PMEL: variants seen among roughly 807,000 people sequenced by gnomAD.
The protein encoded by PMEL is premelanosome protein.
In PMEL, 53 loss-of-function variants were observed where a neutral mutation model predicts 64.9. That is an observed-to-expected ratio of 0.82 (90% CI 0.66 to 1.03). PMEL has a LOEUF of 1.03. Ranked by LOEUF, PMEL falls within the 50% of genes least tolerant of loss-of-function variation. The probability of loss-of-function intolerance (pLI) is 0.00; values close to 1 mark genes in which losing one functional copy is unlikely to be tolerated. For synonymous variants in PMEL, 299 were observed against 316.2 expected, an observed-to-expected ratio of 0.95 and a Z score of 0.58; for missense variants, 716 against 814.9, an observed-to-expected ratio of 0.88 and a Z score of 1.48.
At chr12:55,959,223 C>T (rs978344687) in intron 3 of PMEL, among the ~76,000 whole-genome samples, 4 of 150,940 alleles carry the variant, frequency 2.7e-5, no homozygotes, top group Non-Finnish European at 5.9e-5. Context: ...CTACAAAATA[C>T]ATTTAAAAAA....
At chr12:55,960,420 G>A (rs1159948099) in intron 3 of PMEL, among the ~76,000 whole-genome samples, 1 of 151,676 alleles carries the variant, frequency 6.6e-6, no homozygotes, top group Non-Finnish European at 1.5e-5. Context: ...CTGTCACCCA[G>A]GCTGAAGTAC....
At chr12:55,960,092 T>A (rs1889041342) in intron 3 of PMEL, among the ~76,000 whole-genome samples, 1 of 150,766 alleles carries the variant, frequency 6.6e-6, no homozygotes, top group Non-Finnish European at 1.5e-5. Flanking sequence ...GGGAGGCTAC[T>A]CCCAGCTACT....
intron 10 of PMEL, 51 bp downstream of exon 10, chr12:55,955,223 G>A (rs1592764207): frequency 7.8e-7 from 1 of 1,282,732 alleles, no homozygotes; most frequent in East Asian, 2.3e-5. Context: ...GGAAAAGTGA[G>A]TAGTGATAAT....
At chr12:55,960,197 C>G (rs1889044405) in intron 3 of PMEL, among the ~76,000 whole-genome samples, 2 of 139,120 alleles carry the variant, frequency 1.4e-5, no homozygotes, top group South Asian at 4.4e-4. Flanking sequence ...AGCGACACAG[C>G]CAGACTCTGT....
Position 55,965,964 on chromosome 12 carries a change from A to T in PMEL, c.48T>A (p.Gly16=), listed in dbSNP as rs1462985185. Residue 16 remains glycine (G), a synonymous_variant, in exon 1 of 11, where the codon GGT becomes GGA. Transcript: ENST00000548747. ...KRCLLHLAVI[G]ALLAVGATKV... Reference sequence around the variant, plus strand: ...TTGTAGCCCCCACAGCCAGCAAAGCACCTATCACAGCCAAATGAAGAAGGC... The same window carrying T: ...TTGTAGCCCCCACAGCCAGCAAAGCTCCTATCACAGCCAAATGAAGAAGGC... The T allele has an allele frequency of 6.2e-7, 1 of 1,614,214 alleles. No homozygotes were observed. Among genetic ancestry groups the T allele is most frequent in the Non-Finnish European group, 8.5e-7 (1 of 1,180,036 alleles).
At chr12:55,964,208 T>C (rs1889204281) in intron 1 of PMEL, among the ~76,000 whole-genome samples, 1 of 149,902 alleles carries the variant, frequency 6.7e-6, no homozygotes, top group Non-Finnish European at 1.5e-5. Context: ...GCTGGAAGGC[T>C]GGAGTACAAT....
intron 6 of PMEL, 40 bp from the exon 7 acceptor site, chr12:55,956,259 A>ATGAC: frequency 7.5e-7 from 1 of 1,330,506 alleles, no homozygotes; most frequent in East Asian, 2.3e-5. Flanking sequence ...CAAGAGACAG[A>ATGAC]TGACTCATCT....
In PMEL at chr12:55,957,992, C is replaced by T. The variant is rs774976695; in HGVS notation, c.562G>A (p.Val188Ile). 12 of 1,614,202 alleles carry T rather than the reference C, an allele frequency of 7.4e-6. 1 individual carries two copies. The South Asian group carries it at 1.2e-4, about 16-fold the overall frequency. Residue 188 changes from valine (V) to isoleucine (I), a missense_variant, in exon 5 of 11, where the codon GTC becomes ATC. Physicochemically the swap from Val to Ile is conservative, Grantham distance 29. Transcript: ENST00000548747. ...MLGTHTMEVT[V>I]YHRRGSRSYV... is the part of the protein sequence containing the mutation. ...CTCCGGGATCCCCGGCGATGGTAGA[C>T]AGTCACTTCCATGGTGTGTGTGCCC... is the stretch of plus-strand genomic sequence containing the variant.
chr12:55,961,365 C>T lies in PMEL; in HGVS notation c.286G>A (p.Val96Ile). 1 of 1,614,164 alleles carries T rather than the reference C, an allele frequency of 6.2e-7. No individual in the cohort carries two copies. The highest frequency in any genetic ancestry group is 1.1e-5 in the South Asian group (1 of 91,090). ...IALNFPGSQK[V>I]LPDGQVIWVN... ...CAGATAACCTGCCCATCTGGCAATA[C>T]CTTTTGGCTTCCAGGGAAGTTCAAG... is the stretch of plus-strand genomic sequence containing the variant. The change falls in exon 3 of 11, where the codon GTA (valine) becomes ATA (isoleucine). Residue 96 changes from valine to isoleucine, a missense_variant. Transcript: ENST00000548747.
Position 55,956,152 on chromosome 12 carries a change from A to G in PMEL, c.1422T>C (p.Asp474=), listed in dbSNP as rs1194081349. The G allele has an allele frequency of 1.9e-6, 3 of 1,613,946 alleles. No homozygotes were observed. In the South Asian group the frequency reaches 3.3e-5, roughly 18 times the overall value. The stretch of plus-strand genomic sequence containing the variant: ...AGGAACCATATCGATACAGAACACA[A>G]TCCAGGGGGACTTGTCTCTTCACCA... ...LRLVKRQVPL[D]CVLYRYGSFS... The change falls in exon 7 of 11, where the codon GAT becomes GAC. Residue 474 remains aspartate, a synonymous_variant. Transcript: ENST00000548747.
At position 55,957,254 on chromosome 12, in the gene PMEL, G is replaced by A. The variant is rs765152357; in HGVS notation, c.1049C>T (p.Ser350Phe). 83 of 1,614,032 alleles carry A rather than the reference G, an allele frequency of 5.1e-5. No homozygotes were observed. Among genetic ancestry groups the A allele is most frequent in the Admixed American group, 1.7e-4 (10 of 60,024 alleles). The change falls in exon 6 of 11, where the codon TCT becomes TTT. Residue 350 changes from serine (S) to phenylalanine (F), a missense_variant. Physicochemically the swap from Ser to Phe is radical, Grantham distance 155. Coordinates refer to ENST00000548747, the MANE Select transcript of PMEL (RefSeq NM_001384361.1). ...APTAEPSGTT[S>F]VQVPTTEVIS... ...GACTTCAGTGGTTGGCACCTGCACA[G>A]ATGTGGTTCCAGAGGGCTCTGCAGT... is the stretch of plus-strand genomic sequence containing the variant.
rs144270384 is a variant in PMEL at position 55,956,979 on chromosome 12, T to A, written c.1324A>T (p.Ser442Cys). 1 of 1,614,084 alleles carries A rather than the reference T, an allele frequency of 6.2e-7. No individual in the cohort carries two copies. The highest frequency in any genetic ancestry group is 1.3e-5 in the African/African-American group (1 of 74,938). ...ATACTTTCCGTAGACATGATTGAGC[T>A]GGCATCTGGACCTTCAGGCTCAGGG... Reference protein sequence around the residue: ...PIPEPEGPDASSIMSTESITG... With the variant: ...PIPEPEGPDACSIMSTESITG... Residue 442 changes from serine to cysteine, a missense_variant, in exon 6 of 11, where the codon AGC becomes TGC. Physicochemically the swap from Ser to Cys is moderately radical, Grantham distance 112. Transcript: ENST00000548747.
At chr12:55,960,251 A>C (rs568653311) in intron 3 of PMEL, among the ~76,000 whole-genome samples, 1 of 151,266 alleles carries the variant, frequency 6.6e-6, no homozygotes, top group Non-Finnish European at 1.5e-5. Flanking sequence ...GAAAAGAAAA[A>C]AAAAGAAATG....
At chr12:55,955,209 T>C in intron 10 of PMEL, 65 bp downstream of exon 10, 1 of 1,202,730 alleles carries the variant, frequency 8.3e-7, no homozygotes, top group Non-Finnish European at 1.2e-6. Flanking sequence ...TCTTCTCCCC[T>C]TGAGGAAAAG....
upstream of PMEL, chr12:55,966,632 C>A: frequency 9.6e-7 from 1 of 1,045,566 alleles, no homozygotes; most frequent in Non-Finnish European, 1.2e-6. Context: ...TGTTCAGCCG[C>A]CCCACCGGGG....
intron 4 of PMEL, 88 bp from the exon 5 acceptor site, chr12:55,958,172 G>A: frequency 1.5e-6 from 2 of 1,346,804 alleles, no homozygotes; most frequent in Non-Finnish European, 2.1e-6. Flanking sequence ...ACTGGAGATG[G>A]GAGGTCAGGA....
intron 1 of PMEL, 56 bp from the exon 2 acceptor site, chr12:55,961,788 T>C: frequency 9.2e-7 from 1 of 1,088,472 alleles, no homozygotes; most frequent in Middle Eastern, 2.0e-4. Flanking sequence ...TTCTCAGGGA[T>C]AACACTCTAT....
At chr12:55,954,541 G>A (rs183711684) in intron 10 of PMEL, among the ~76,000 whole-genome samples, 192 bp from the exon 11 acceptor site, 10 of 152,022 alleles carry the variant, frequency 6.6e-5, no homozygotes, top group Non-Finnish European at 1.2e-4. Flanking sequence ...CCCTCACCCC[G>A]TAAGCTTTCC....
At chr12:55,959,882 A>G (rs1305438854) in intron 3 of PMEL, among the ~76,000 whole-genome samples, 1 of 152,172 alleles carries the variant, frequency 6.6e-6, no homozygotes, top group East Asian at 1.9e-4. Flanking sequence ...CAGACACTAC[A>G]TTAAGTACTT....
Sources: gnomAD v4.1 joint callset for allele counts (sites outside exome capture counted in the v4.1 genomes callset) on GRCh38, gnomAD v4.1.1 for gene constraint, MANE v1.5 for transcripts, NCBI Gene and HGNC (gene_info 2026-07-23, HGNC 2026-07-21) for gene names.